The following MAF variants were observed in gnomAD, a reference collection of about 807,000 sequenced individuals.
MAF encodes the protein transcription factor Maf.
In MAF, 10 loss-of-function variants were observed where a neutral mutation model predicts 22.0. That is an observed-to-expected ratio of 0.45 (90% CI 0.28 to 0.77). The LOEUF is 0.77. Among genes scored for constraint, MAF ranks in the 30% least tolerant of loss-of-function variants. MAF has a pLI of 0.12. For missense variants in MAF, 544 were observed against 548.4 expected, an observed-to-expected ratio of 0.99 and a Z score of 0.08; for synonymous variants, 337 against 255.8, an observed-to-expected ratio of 1.32 and a Z score of -3.03.
the MAF span, among the ~76,000 whole-genome samples, chr16:79,470,078 T>A: frequency 3.9e-5 from 6 of 152,266 alleles, no homozygotes; most frequent in Non-Finnish European, 8.8e-5. Flanking sequence ...TCAGGCCATG[T>A]CAGGCATTTG....
the MAF span, among the ~76,000 whole-genome samples, chr16:79,292,465 T>C: frequency 6.6e-6 from 1 of 152,334 alleles, no homozygotes; most frequent in African/African-American, 2.4e-5. Context: ...CCTCTAGAAC[T>C]GAGAAAGAGT....
the MAF span, among the ~76,000 whole-genome samples, chr16:79,311,178 T>C: frequency 6.6e-6 from 1 of 152,096 alleles, no homozygotes; most frequent in African/African-American, 2.4e-5. Context: ...CTCTCTGGGC[T>C]CTAAGCTGCT....
the MAF span, among the ~76,000 whole-genome samples, chr16:79,485,834 C>G: frequency 1.3e-5 from 2 of 152,092 alleles, no homozygotes; most frequent in Non-Finnish European, 2.9e-5. Flanking sequence ...GGCCCAGGGG[C>G]GGCCAGCGGC....
chr16:79,589,264 C>G (rs1913044678), downstream of MAF, among the ~76,000 whole-genome samples: 2 of 152,210 alleles, frequency 1.3e-5, no homozygotes, highest in Non-Finnish European at 2.9e-5. Context: ...GTGTCTAGAA[C>G]TGTATGAAAT....
chr16:79,561,614 G>A, the MAF span, among the ~76,000 whole-genome samples: 8 of 152,130 alleles, frequency 5.3e-5, no homozygotes, highest in South Asian at 1.7e-3. Context: ...AGGGTTTCCA[G>A]CTTCATCCAT....
At chr16:79,399,619 G>A in the MAF span, among the ~76,000 whole-genome samples, 109 of 152,266 alleles carry the variant, frequency 7.2e-4, no homozygotes, top group African/African-American at 2.4e-3. Flanking sequence ...CCAGGGAGGG[G>A]TGTTTTTGAG....
chr16:79,463,011 A>C, the MAF span, among the ~76,000 whole-genome samples: 1 of 152,124 alleles, frequency 6.6e-6, no homozygotes, highest in African/African-American at 2.4e-5. Context: ...GAGAAGGCCC[A>C]CTCTAGGGAG....
chr16:79,343,290 A>G, the MAF span, among the ~76,000 whole-genome samples: 9 of 150,984 alleles, frequency 6.0e-5, no homozygotes, highest in African/African-American at 2.0e-4. Flanking sequence ...CTTCCTGGTT[A>G]TTTCCTCATG....
the MAF span, among the ~76,000 whole-genome samples, chr16:79,468,491 T>C: frequency 6.6e-6 from 1 of 152,214 alleles, no homozygotes; most frequent in Admixed American, 6.5e-5. Flanking sequence ...CCGTCTGCTC[T>C]TGCCTCAAGA....
the MAF span, among the ~76,000 whole-genome samples, chr16:79,294,801 T>C: frequency 1.3e-5 from 2 of 152,158 alleles, no homozygotes; most frequent in Non-Finnish European, 2.9e-5. Flanking sequence ...TTGAGCAACC[T>C]CAACCGAGTA....
At chr16:79,256,655 T>G in the MAF span, among the ~76,000 whole-genome samples, 1 of 152,280 alleles carries the variant, frequency 6.6e-6, no homozygotes, top group East Asian at 1.9e-4. Flanking sequence ...AGGTCTCCCG[T>G]TATAAGTGGA....
chr16:79,300,472 T>A, the MAF span, among the ~76,000 whole-genome samples: 28,196 of 151,984 alleles, frequency 0.19, 3,277 homozygotes, highest in East Asian at 0.61. Flanking sequence ...GGAGAATCAC[T>A]TGAACCCGGG....
chr16:79,429,662 G>A, the MAF span, among the ~76,000 whole-genome samples: 2 of 152,154 alleles, frequency 1.3e-5, no homozygotes, highest in African/African-American at 4.8e-5. Context: ...CCCAGGGTGT[G>A]TAAGCCTCCA....
the MAF span, among the ~76,000 whole-genome samples, chr16:79,409,831 C>G: frequency 6.6e-6 from 1 of 152,210 alleles, no homozygotes; most frequent in Non-Finnish European, 1.5e-5. Flanking sequence ...TGTTCGATAT[C>G]TGCACTAATC....
At chr16:79,352,241 T>C in the MAF span, among the ~76,000 whole-genome samples, 1 of 152,190 alleles carries the variant, frequency 6.6e-6, no homozygotes, top group Non-Finnish European at 1.5e-5. Context: ...GCAAGAATAA[T>C]GTCACGGGGA....
At chr16:79,553,242 G>A in the MAF span, among the ~76,000 whole-genome samples, 1 of 152,246 alleles carries the variant, frequency 6.6e-6, no homozygotes. Context: ...TCAAGGCACA[G>A]CAACTCCAGG....
At chr16:79,533,910 G>A in the MAF span, among the ~76,000 whole-genome samples, 1 of 152,164 alleles carries the variant, frequency 6.6e-6, no homozygotes, top group Admixed American at 6.5e-5. Context: ...CAAGGTAGTG[G>A]CAAGATCCAG....
At chr16:79,341,424 C>T in the MAF span, among the ~76,000 whole-genome samples, 3 of 152,322 alleles carry the variant, frequency 2.0e-5, no homozygotes, top group Admixed American at 2.0e-4. Flanking sequence ...TGAGAGCTGA[C>T]TTCATGCATC....
chr16:79,497,047 C>T, the MAF span, among the ~76,000 whole-genome samples: 1 of 152,080 alleles, frequency 6.6e-6, no homozygotes, highest in Admixed American at 6.5e-5. Flanking sequence ...ATAATAAAAA[C>T]ATCTTTTCTC....
Sources: allele counts gnomAD v4.1 joint callset (sites outside exome capture counted in the v4.1 genomes callset), GRCh38; gene constraint gnomAD v4.1.1; transcripts MANE v1.5; gene names NCBI Gene and HGNC (gene_info 2026-07-23, HGNC 2026-07-21).